The following MED12L variants were observed in gnomAD, a reference collection of about 807,000 sequenced individuals.
MED12L encodes the protein mediator complex subunit 12L, also known as mediator of RNA polymerase II transcription subunit 12-like protein.
Under a neutral mutation model 281.3 loss-of-function variants are expected in MED12L, and 60 were observed. That is an observed-to-expected ratio of 0.21 (90% CI 0.17 to 0.26). The LOEUF is 0.26. Ranked by LOEUF, MED12L falls within the 10% of genes least tolerant of loss-of-function variation. The pLI is 1.00. For synonymous variants in MED12L, 974 were observed against 987.2 expected (o/e 0.99, Z 0.25); for missense variants, 2,146 against 2,680.9 (o/e 0.80, Z 4.41).
chr3:151,361,024 T>C (rs928338755), intron 21 of MED12L, among the ~76,000 whole-genome samples: 1 of 152,152 alleles, frequency 6.6e-6, no homozygotes, highest in Non-Finnish European at 1.5e-5. Flanking sequence ...AATAGAAAGA[T>C]CAATGAGGCA....
chr3:151,104,036 A>G (rs1297188608), intron 2 of MED12L, among the ~76,000 whole-genome samples: 1 of 152,174 alleles, frequency 6.6e-6, no homozygotes, highest in East Asian at 1.9e-4. Flanking sequence ...TGCTCTAGGT[A>G]CGGATGTTAA....
chr3:151,309,376 C>T (rs754014472), intron 16 of MED12L, among the ~76,000 whole-genome samples: 4 of 152,114 alleles, frequency 2.6e-5, no homozygotes, highest in Non-Finnish European at 4.4e-5. Context: ...CTGCTATTCA[C>T]ATTTCTTTTC....
intron 16 of MED12L, among the ~76,000 whole-genome samples, chr3:151,255,576 C>T (rs115441776): frequency 6.0e-4 from 91 of 152,194 alleles, no homozygotes; most frequent in South Asian, 3.1e-3. Flanking sequence ...TGAACACACG[C>T]GATTTTTCCT....
chr3:151,294,206 G>A (rs142901780), intron 16 of MED12L: 11 of 1,611,028 alleles, frequency 6.8e-6, no homozygotes, highest in African/African-American at 5.3e-5. Flanking sequence ...GCGAACTTCC[G>A]ATCTTCTCAC....
In MED12L at chr3:151,213,829, C is replaced by T. The variant is rs774718365; in HGVS notation, c.2250+20163C>T. 3 of 1,614,022 alleles carry T rather than the reference C, an allele frequency of 1.9e-6. No individual in the cohort carries two copies. The highest frequency in any genetic ancestry group is 4.5e-5 in the East Asian group (2 of 44,898). On this transcript the variant is annotated intron_variant, in intron 16 of 44. Transcript: ENST00000687756. Reference sequence around the variant, plus strand: ...TTTTATTTGTGTAACCTCCCTAACACTCTGGTTGGTGAGAATAATATTTGG... The same window carrying T: ...TTTTATTTGTGTAACCTCCCTAACATTCTGGTTGGTGAGAATAATATTTGG...
At chr3:151,423,057 TCACC>T (rs1351011847) in intron 43 of MED12L, among the ~76,000 whole-genome samples, 1 of 150,496 alleles carries the variant, frequency 6.6e-6, no homozygotes, top group African/African-American at 2.4e-5. Flanking sequence ...TCTTGCTCTG[TCACC>T]CAGGCTGGAG....
At chr3:151,161,520 G>C (rs1282242126) in intron 8 of MED12L, among the ~76,000 whole-genome samples, 1 of 152,164 alleles carries the variant, frequency 6.6e-6, no homozygotes, top group Non-Finnish European at 1.5e-5. Flanking sequence ...AGACTGGAGA[G>C]AGAACAGGGG....
At chr3:151,149,369 A>G (rs545748858) in intron 5 of MED12L, among the ~76,000 whole-genome samples, 2 of 152,354 alleles carry the variant, frequency 1.3e-5, no homozygotes, top group Middle Eastern at 3.4e-3. Context: ...TTCGTAGTGC[A>G]TATAAAAGTT....
intron 1 of MED12L, 58 bp from the exon 2 acceptor site, chr3:151,086,740 G>T (rs1190039270): frequency 5.5e-6 from 3 of 542,294 alleles, no homozygotes; most frequent in African/African-American, 2.0e-5. Context: ...CCCCATCAGT[G>T]CGTGTCTGCT....
intron 16 of MED12L, among the ~76,000 whole-genome samples, chr3:151,315,059 C>T (rs1305454936): frequency 1.3e-5 from 2 of 152,154 alleles, no homozygotes; most frequent in African/African-American, 4.8e-5. Flanking sequence ...TTTCACCTCA[C>T]TTCTGTCCTG....
At chr3:151,364,907 C>A in intron 21 of MED12L, 72 bp from the exon 22 acceptor site, 3 of 1,078,330 alleles carry the variant, frequency 2.8e-6, no homozygotes, top group Admixed American at 1.7e-5. Context: ...TTTAATATGT[C>A]CTTAAGTGAA....
intron 16 of MED12L, chr3:151,214,381 G>T: frequency 7.4e-7 from 1 of 1,350,720 alleles, no homozygotes; most frequent in Non-Finnish European, 1.0e-6. Flanking sequence ...GGGCACTTAT[G>T]GCCTCCAAGA....
At chr3:151,205,982 T>C (rs918445548) in intron 16 of MED12L, among the ~76,000 whole-genome samples, 3 of 152,062 alleles carry the variant, frequency 2.0e-5, no homozygotes, top group Admixed American at 2.0e-4. Context: ...ATTTTTATGA[T>C]CAGTCACTTC....
chr3:151,094,219 A>G (rs970884343), intron 2 of MED12L, among the ~76,000 whole-genome samples: 1 of 152,260 alleles, frequency 6.6e-6, no homozygotes, highest in Non-Finnish European at 1.5e-5. Context: ...GCAAACTACA[A>G]GAACTGTGAT....
chr3:151,269,127 A>T (rs183451094), intron 16 of MED12L, among the ~76,000 whole-genome samples: 50 of 152,260 alleles, frequency 3.3e-4, no homozygotes, highest in Admixed American at 2.9e-3. Context: ...AAGGAAATAC[A>T]GGCTGGGCGC....
In MED12L at chr3:151,365,871, C is replaced by G. The variant is rs773344053; in HGVS notation, c.3207C>G (p.Phe1069Leu). 2 of 1,610,012 alleles carry G rather than the reference C, an allele frequency of 1.2e-6. No homozygotes were observed. The highest frequency in any genetic ancestry group is 2.2e-5 in the South Asian group (2 of 90,518). The change falls in exon 23 of 45, where the codon TTC (phenylalanine) becomes TTG (leucine). Residue 1069 changes from phenylalanine (F) to leucine (L), a missense_variant. Coordinates refer to ENST00000687756, the MANE Select transcript of MED12L (RefSeq NM_001393769.1). The stretch of plus-strand genomic sequence containing the variant: ...CTAGGATTAACGACATAGCCAATTT[C>G]TCCTCTGAGCTTACGGCTTGCTGCA... ...DAGRINDIAN[F>L]SSELTACCTV...
chr3:151,279,901 G>A (rs1385672694), intron 16 of MED12L, among the ~76,000 whole-genome samples: 1 of 152,106 alleles, frequency 6.6e-6, no homozygotes, highest in Non-Finnish European at 1.5e-5. Flanking sequence ...TAATTGTTCC[G>A]GGTCCCTTTT....
intron 2 of MED12L, 131 bp downstream of exon 2, chr3:151,087,156 C>T (rs1033558371): frequency 1.1e-5 from 8 of 743,024 alleles, no homozygotes; most frequent in South Asian, 2.0e-5. Context: ...GAGGCGGGGG[C>T]CAGGCTGGGG....
intron 16 of MED12L, among the ~76,000 whole-genome samples, chr3:151,241,441 A>G (rs1391038644): frequency 6.6e-6 from 1 of 152,150 alleles, no homozygotes; most frequent in African/African-American, 2.4e-5. Context: ...GTTGATCCCT[A>G]GCGACTTATT....
Sources: allele counts gnomAD v4.1 joint callset (sites outside exome capture counted in the v4.1 genomes callset), GRCh38; gene constraint gnomAD v4.1.1; transcripts MANE v1.5; gene names NCBI Gene and HGNC (gene_info 2026-07-23, HGNC 2026-07-21).